MED13: variants seen among roughly 807,000 people sequenced by gnomAD.
MED13 encodes mediator complex subunit 13.
In MED13, 23 loss-of-function variants were observed where a neutral mutation model predicts 225.2. The observed-to-expected ratio is 0.10, with a 90% CI of 0.07 to 0.14. The LOEUF is 0.14. Among genes scored for constraint, MED13 ranks in the 10% least tolerant of loss-of-function variants. The pLI is 1.00. For missense variants in MED13, 2,197 were observed against 2,594.5 expected (o/e 0.85, Z 3.33); for synonymous variants, 942 against 889.2 (o/e 1.06, Z -1.06).
intron 9 of MED13, among the ~76,000 whole-genome samples, chr17:62,002,942 T>G (rs2080409661): frequency 6.6e-6 from 1 of 152,250 alleles, no homozygotes; most frequent in Non-Finnish European, 1.5e-5. Flanking sequence ...TATGGGAGAT[T>G]ATCCTGTGCA....
intron 15 of MED13, among the ~76,000 whole-genome samples, chr17:61,983,731 CTTTTT>C (rs57772316): frequency 3.6e-5 from 5 of 138,474 alleles, no homozygotes; most frequent in Non-Finnish European, 7.8e-5. Flanking sequence ...CCCAATTAAC[CTTTTT>C]TTTTTTTTTT....
intron 9 of MED13, among the ~76,000 whole-genome samples, chr17:62,009,082 C>T (rs917301371): frequency 2.6e-5 from 4 of 152,082 alleles, no homozygotes; most frequent in Non-Finnish European, 5.9e-5. Flanking sequence ...AGGAAGGAAT[C>T]GTAATCTTTG....
chr17:62,012,379 G>A (rs2080519511), intron 8 of MED13, among the ~76,000 whole-genome samples: 1 of 147,128 alleles, frequency 6.8e-6, no homozygotes, highest in Non-Finnish European at 1.5e-5. Flanking sequence ...GCCCAGGCTG[G>A]AGTGCAATGG....
At chr17:62,055,321 T>C (rs2080987927) in intron 2 of MED13, among the ~76,000 whole-genome samples, 1 of 151,372 alleles carries the variant, frequency 6.6e-6, no homozygotes, top group Admixed American at 6.6e-5. Flanking sequence ...GCCCAAGAGA[T>C]GGGAGTTGCA....
At chr17:61,947,194 G>GTTTTT (rs375146013) in intron 28 of MED13, among the ~76,000 whole-genome samples, 177 bp from the exon 29 acceptor site, 1 of 127,782 alleles carries the variant, frequency 7.8e-6, no homozygotes, top group African/African-American at 2.9e-5. Context: ...TTATAGAAAT[G>GTTTTT]TTTTTTTTTT....
intron 8 of MED13, among the ~76,000 whole-genome samples, chr17:62,015,997 T>C (rs2080576215): frequency 9.3e-6 from 1 of 107,848 alleles, no homozygotes; most frequent in African/African-American, 3.5e-5. Context: ...AGAGACCGGT[T>C]TTTGCCATGT....
chr17:61,986,266 T>C (rs1402954170), intron 12 of MED13, among the ~76,000 whole-genome samples: 2 of 152,102 alleles, frequency 1.3e-5, no homozygotes, highest in African/African-American at 4.8e-5. Context: ...CACACACATA[T>C]ACACACATAT....
chr17:62,015,929 TA>T (rs2080566131), intron 8 of MED13, among the ~76,000 whole-genome samples: 2 of 6,918 alleles, frequency 2.9e-4, no homozygotes, highest in Non-Finnish European at 7.0e-4. Context: ...TATATATATA[TA>T]TATATATATA....
intron 3 of MED13, among the ~76,000 whole-genome samples, chr17:62,036,608 C>T (rs2080805949): frequency 6.6e-6 from 1 of 152,134 alleles, no homozygotes; most frequent in Non-Finnish European, 1.5e-5. Flanking sequence ...TCTTGAATTT[C>T]TTCTGGATAA....
chr17:62,038,335 G>A (rs913998523), intron 3 of MED13, among the ~76,000 whole-genome samples: 1 of 152,134 alleles, frequency 6.6e-6, no homozygotes, highest in Non-Finnish European at 1.5e-5. Flanking sequence ...CTGAGAGGTT[G>A]AGGGTGCAGT....
chr17:61,979,445 G>C (rs2080184840), intron 16 of MED13, among the ~76,000 whole-genome samples: 3 of 152,024 alleles, frequency 2.0e-5, no homozygotes, highest in Admixed American at 1.3e-4. Context: ...AAGTAGCTGA[G>C]ACTACAGGTG....
In MED13 at chr17:61,945,681, G is replaced by C. The variant is rs753230476; in HGVS notation, c.*787C>G. The C allele has an allele frequency of 6.6e-6, 1 of 152,456 alleles. No homozygotes were observed. Among genetic ancestry groups the C allele is most frequent in the Non-Finnish European group, 1.5e-5 (1 of 68,006 alleles). 9.4% of individuals were successfully genotyped at this position (152,456 alleles called of 1,614,324 possible). A position where few individuals can be genotyped will look rare whatever the true frequency, so the allele number is the denominator to read the frequency against. ...TGATATATAAAATGCTGTAAGACCT[G>C]GTACCTTTTCAATTTATAAACACAG... On this transcript the variant is annotated 3_prime_UTR_variant, in exon 30 of 30. Transcript: ENST00000397786.
At chr17:61,997,805 T>C (rs1188841127) in intron 9 of MED13, among the ~76,000 whole-genome samples, 2 of 152,266 alleles carry the variant, frequency 1.3e-5, no homozygotes, top group African/African-American at 2.4e-5. Context: ...CATATTACGT[T>C]GTCCTCTGGC....
At chr17:62,065,043 A>G (rs2143796685) in intron 1 of MED13, 97 bp downstream of exon 1, 1 of 1,095,984 alleles carries the variant, frequency 9.1e-7, no homozygotes, top group South Asian at 1.8e-5. Context: ...TCGCCCGGGA[A>G]CTCGGGCATC....
At chr17:62,001,456 TTTCCA>T (rs1238873113) in intron 9 of MED13, among the ~76,000 whole-genome samples, 3 of 152,232 alleles carry the variant, frequency 2.0e-5, no homozygotes, top group Non-Finnish European at 4.4e-5. Flanking sequence ...TTGGTGAGTT[TTTCCA>T]AAATCCTTAT....
intron 8 of MED13, 134 bp from the exon 9 acceptor site, chr17:62,011,367 T>A: frequency 1.2e-6 from 1 of 812,660 alleles, no homozygotes; most frequent in Non-Finnish European, 1.8e-6. Flanking sequence ...ATAATTTGAA[T>A]TTGAAAGGGG....
intron 17 of MED13, among the ~76,000 whole-genome samples, chr17:61,971,891 G>A (rs1366567602): frequency 4.6e-5 from 7 of 152,084 alleles, no homozygotes; most frequent in South Asian, 2.1e-4. Context: ...CCAAGACGGC[G>A]CCAGTGCACT....
intron 8 of MED13, among the ~76,000 whole-genome samples, chr17:62,021,652 C>T (rs1430108270): frequency 6.6e-6 from 1 of 152,244 alleles, no homozygotes; most frequent in African/African-American, 2.4e-5. Flanking sequence ...ATGCTTCTCA[C>T]TTATTATAAT....
In MED13 at chr17:61,968,214, A is replaced by G. The variant is rs1214670027; in HGVS notation, c.4012T>C (p.Leu1338=). Residue 1338 remains leucine (L), a synonymous_variant, in exon 18 of 30, where the codon TTG becomes CTG. Coordinates refer to ENST00000397786, the MANE Select transcript of MED13 (RefSeq NM_005121.3). ...ACCAGATAATCATAATCATAACCCAACAAAAATGTGGGGATTGGCAGTGGT... is the reference window on the plus strand; with the variant it reads ...ACCAGATAATCATAATCATAACCCAGCAAAAATGTGGGGATTGGCAGTGGT... ...PEPLPIPTFL[L]GYDYDYLVLS... The G allele has an allele frequency of 1.9e-6, 3 of 1,614,064 alleles. No homozygotes were observed. Among genetic ancestry groups the G allele is most frequent in the South Asian group, 1.1e-5 (1 of 91,074 alleles).
Sources: gnomAD v4.1 joint callset for allele counts (sites outside exome capture counted in the v4.1 genomes callset) on GRCh38, gnomAD v4.1.1 for gene constraint, MANE v1.5 for transcripts, NCBI Gene and HGNC (gene_info 2026-07-23, HGNC 2026-07-21) for gene names.